UBASH3B: variants seen among roughly 807,000 people sequenced by gnomAD.
The protein encoded by UBASH3B is ubiquitin associated and SH3 domain containing B, also known as ubiquitin-associated and SH3 domain-containing protein B.
In UBASH3B, 37 loss-of-function variants were observed where a neutral mutation model predicts 83.4. The observed-to-expected ratio is 0.44, with a 90% confidence interval of 0.34 to 0.58. UBASH3B has a LOEUF of 0.58. Among genes scored for constraint, UBASH3B ranks in the 20% least tolerant of loss-of-function variants. The pLI is 0.01. For missense variants in UBASH3B, 657 were observed against 827.2 expected (o/e 0.79, Z 2.52); for synonymous variants, 304 against 318.3 (o/e 0.96, Z 0.48).
intron 13 of UBASH3B, among the ~76,000 whole-genome samples, chr11:122,809,318 G>T (rs188785196): frequency 6.6e-6 from 1 of 152,072 alleles, no homozygotes; most frequent in Non-Finnish European, 1.5e-5. Context: ...CAAGTGACCC[G>T]CCCGCCTCGG....
intron 1 of UBASH3B, among the ~76,000 whole-genome samples, chr11:122,740,021 T>C (rs528531311): frequency 2.0e-5 from 3 of 152,390 alleles, no homozygotes; most frequent in Admixed American, 2.0e-4. Flanking sequence ...TAAAGCCATA[T>C]GTTCCATACG....
At position 122,656,059 on chromosome 11, in the gene UBASH3B, T is replaced by A; in HGVS notation, c.10T>A (p.Tyr4Asn). The A allele has an allele frequency of 6.3e-7, 1 of 1,594,550 alleles. No individual in the cohort carries two copies. Among genetic ancestry groups the A allele is most frequent in the South Asian group, 1.1e-5 (1 of 88,264 alleles). Reference protein sequence around the residue: MAQYGHPSPLGMAA... With the variant: MAQNGHPSPLGMAA... ...GGCTGGCCGCTGAGCCATGGCTCAGTACGGCCACCCCAGTCCGCTCGGCAT... is the reference window on the plus strand; with the variant it reads ...GGCTGGCCGCTGAGCCATGGCTCAGAACGGCCACCCCAGTCCGCTCGGCAT... Residue 4 changes from tyrosine (Y) to asparagine (N), a missense_variant, in exon 1 of 14, where the codon TAC (tyrosine) becomes AAC (asparagine). Transcript: ENST00000284273.
chr11:122,656,726 G>A (rs1863369660), intron 1 of UBASH3B, among the ~76,000 whole-genome samples: 2 of 152,180 alleles, frequency 1.3e-5, no homozygotes, highest in African/African-American at 2.4e-5. Flanking sequence ...TCTCGGGTTC[G>A]GTCTCCCCCT....
chr11:122,661,640 A>G (rs1863439689), intron 1 of UBASH3B, among the ~76,000 whole-genome samples: 3 of 152,166 alleles, frequency 2.0e-5, no homozygotes, highest in African/African-American at 4.8e-5. Flanking sequence ...GTTATTATAC[A>G]CTGTAAAAAT....
intron 1 of UBASH3B, among the ~76,000 whole-genome samples, chr11:122,771,748 AAC>A (rs58950220): frequency 0.067 from 9,869 of 147,080 alleles, 339 homozygotes; most frequent in East Asian, 0.14. Flanking sequence ...GCTGTGTTAA[AAC>A]ACACACACAC....
chr11:122,776,138 C>T, intron 1 of UBASH3B, 81 bp from the exon 2 acceptor site: 2 of 1,323,090 alleles, frequency 1.5e-6, no homozygotes, highest in South Asian at 2.5e-5. Context: ...TTTGATGTCG[C>T]CTCCTTCACA....
intron 1 of UBASH3B, among the ~76,000 whole-genome samples, chr11:122,772,830 G>A (rs1860670974): frequency 6.6e-6 from 1 of 152,140 alleles, no homozygotes; most frequent in Non-Finnish European, 1.5e-5. Flanking sequence ...TAGTAGGCAG[G>A]AGAGTTTTTA....
chr11:122,708,035 GTTC>G (rs1262695063), intron 1 of UBASH3B, among the ~76,000 whole-genome samples: 8 of 152,202 alleles, frequency 5.3e-5, no homozygotes, highest in African/African-American at 1.4e-4. Context: ...CTACGATAGA[GTTC>G]TTCTTTGGCT....
intron 1 of UBASH3B, among the ~76,000 whole-genome samples, chr11:122,702,277 G>T (rs1864049388): frequency 6.6e-6 from 1 of 152,096 alleles, no homozygotes; most frequent in African/African-American, 2.4e-5. Context: ...ATTTCATCCA[G>T]AATACTAATG....
intron 1 of UBASH3B, among the ~76,000 whole-genome samples, chr11:122,756,367 T>C (rs1803161490): frequency 6.6e-6 from 1 of 152,214 alleles, no homozygotes; most frequent in Non-Finnish European, 1.5e-5. Context: ...AAAATTTGCC[T>C]TCAAGGCCTG....
At chr11:122,686,738 G>A (rs1863812799) in intron 1 of UBASH3B, among the ~76,000 whole-genome samples, 1 of 152,112 alleles carries the variant, frequency 6.6e-6, no homozygotes, top group Non-Finnish European at 1.5e-5. Context: ...TAGTCCAGGT[G>A]TTGACTTTTT....
intron 1 of UBASH3B, among the ~76,000 whole-genome samples, chr11:122,764,313 C>T (rs1236298985): frequency 6.6e-6 from 1 of 152,216 alleles, no homozygotes; most frequent in African/African-American, 2.4e-5. Flanking sequence ...TTTCTGAGGA[C>T]CTCAAAACAC....
chr11:122,679,319 A>G (rs1863709362), intron 1 of UBASH3B, among the ~76,000 whole-genome samples: 1 of 152,248 alleles, frequency 6.6e-6, no homozygotes, highest in South Asian at 2.1e-4. Flanking sequence ...CGACAATTGC[A>G]TGGTACTAGG....
chr11:122,792,562 G>A (rs1861077914), intron 6 of UBASH3B, among the ~76,000 whole-genome samples: 1 of 152,106 alleles, frequency 6.6e-6, no homozygotes, highest in African/African-American at 2.4e-5. Flanking sequence ...CAGGTGATCT[G>A]CCTGCCTCGG....
At chr11:122,738,624 C>T (rs983487433) in intron 1 of UBASH3B, among the ~76,000 whole-genome samples, 1 of 152,196 alleles carries the variant, frequency 6.6e-6, no homozygotes, top group Non-Finnish European at 1.5e-5. Flanking sequence ...CACAGTGGCT[C>T]ACGCCTGTAA....
At chr11:122,657,260 T>TC (rs1399619857) in intron 1 of UBASH3B, among the ~76,000 whole-genome samples, 1 of 151,148 alleles carries the variant, frequency 6.6e-6, no homozygotes, top group Non-Finnish European at 1.5e-5. Flanking sequence ...TTTATTTTTT[T>TC]CCCTTCTCAC....
chr11:122,682,889 A>G (rs1304209238), intron 1 of UBASH3B, among the ~76,000 whole-genome samples: 1 of 152,240 alleles, frequency 6.6e-6, no homozygotes, highest in Non-Finnish European at 1.5e-5. Context: ...GCGTCAAGCA[A>G]TTCATCCTTG....
intron 7 of UBASH3B, among the ~76,000 whole-genome samples, chr11:122,795,392 G>A (rs570981413): frequency 5.9e-5 from 9 of 152,258 alleles, no homozygotes; most frequent in Admixed American, 2.6e-4. Flanking sequence ...TCATGCCACC[G>A]TTCCACATAT....
chr11:122,767,242 T>C (rs1436679086), intron 1 of UBASH3B, among the ~76,000 whole-genome samples: 2 of 148,880 alleles, frequency 1.3e-5, no homozygotes, highest in Non-Finnish European at 3.0e-5. Context: ...GCATCCAGCC[T>C]GGTGACAGAG....
Sources: allele counts gnomAD v4.1 joint callset (sites outside exome capture counted in the v4.1 genomes callset), GRCh38; gene constraint gnomAD v4.1.1; transcripts MANE v1.5; gene names NCBI Gene and HGNC (gene_info 2026-07-23, HGNC 2026-07-21).